The following ARHGAP15 variants were observed in gnomAD, a reference collection of about 807,000 sequenced individuals.
The protein encoded by ARHGAP15 is rho GTPase-activating protein 15.
A neutral mutation model predicts 63.7 loss-of-function variants in ARHGAP15; 51 were observed. The ratio of observed to expected loss-of-function variants is 0.80; its 90% CI spans 0.64 to 1.01. The LOEUF is 1.01. Ranked by LOEUF, ARHGAP15 falls within the 50% of genes least tolerant of loss-of-function variation. The pLI, the probability that ARHGAP15 is intolerant of heterozygous loss-of-function variation, is 0.00. For missense variants in ARHGAP15, 560 were observed against 564.6 expected, an observed-to-expected ratio of 0.99 and a Z score of 0.08; for synonymous variants, 191 against 193.8, an observed-to-expected ratio of 0.99 and a Z score of 0.12.
chr2:143,641,299 T>C (rs1403619193), intron 12 of ARHGAP15: 4 of 152,078 alleles, frequency 2.6e-5, no homozygotes, highest in South Asian at 2.1e-4. Context: ...AAAAACAAAC[T>C]GTGTATTCAT....
At chr2:143,756,711 A>G (rs1686589821) in intron 13 of ARHGAP15, among the ~76,000 whole-genome samples, 2 of 152,182 alleles carry the variant, frequency 1.3e-5, no homozygotes, top group Non-Finnish European at 2.9e-5. Flanking sequence ...TGAGATATGA[A>G]TGCTTTCAGA....
At chr2:143,760,210 T>A (rs1686713191) in intron 13 of ARHGAP15, among the ~76,000 whole-genome samples, 1 of 152,180 alleles carries the variant, frequency 6.6e-6, no homozygotes, top group Non-Finnish European at 1.5e-5. Flanking sequence ...TCTTCTAAAC[T>A]TTTCAAATTT....
At chr2:143,559,628 G>C (rs1411451165) in intron 11 of ARHGAP15, among the ~76,000 whole-genome samples, 1 of 152,194 alleles carries the variant, frequency 6.6e-6, no homozygotes, top group Non-Finnish European at 1.5e-5. Context: ...TTTCTGGACT[G>C]GCCCCACAAC....
chr2:143,463,243 A>AAT (rs36057868), intron 8 of ARHGAP15, among the ~76,000 whole-genome samples: 39,874 of 151,180 alleles, frequency 0.26, 6,027 homozygotes, highest in East Asian at 0.7. Context: ...ATATATCCAT[A>AAT]ATATATATAT....
intron 6 of ARHGAP15, among the ~76,000 whole-genome samples, chr2:143,263,885 G>A (rs1680859145): frequency 7.0e-6 from 1 of 143,144 alleles, no homozygotes; most frequent in African/African-American, 2.7e-5. Flanking sequence ...ATGACTGGGT[G>A]GGTCTACGGT....
At position 143,435,581 on chromosome 2, in the gene ARHGAP15, T is replaced by G; in HGVS notation, c.475-20T>G. ...GTTTCTTTACCTGTCTATTTCTTTT[T>G]CTTTTTTTTTTTTTTGCAGATCACA... On this transcript the variant is annotated intron_variant, in intron 6 of 13. Coordinates refer to ENST00000295095, the MANE Select transcript of ARHGAP15 (RefSeq NM_018460.4). 7.1e-7 allele frequency: 1 copy of G among 1,401,900 alleles called. No individual in the cohort carries two copies. The highest frequency in any genetic ancestry group is 2.6e-5 in the East Asian group (1 of 39,116). 86.8% of individuals were successfully genotyped at this position (1,401,900 alleles called of 1,614,324 possible).
chr2:143,432,227 A>T (rs117731265), intron 6 of ARHGAP15, among the ~76,000 whole-genome samples: 2 of 152,204 alleles, frequency 1.3e-5, no homozygotes, highest in East Asian at 3.9e-4. Flanking sequence ...TCTAGTAAAC[A>T]AAAGTATGGA....
chr2:143,383,408 C>T (rs1354897691), intron 6 of ARHGAP15, among the ~76,000 whole-genome samples: 1 of 152,044 alleles, frequency 6.6e-6, no homozygotes, highest in African/African-American at 2.4e-5. Flanking sequence ...CATGAATATT[C>T]TTGATTACTA....
intron 12 of ARHGAP15, among the ~76,000 whole-genome samples, chr2:143,673,752 G>GTATATATATATA (rs1158257230): frequency 7.6e-4 from 25 of 32,934 alleles, no homozygotes; most frequent in South Asian, 3.9e-3. Context: ...GTGTGTGTGT[G>GTATATATATATA]TGTGTGTATA....
At chr2:143,580,754 T>C (rs1020126661) in intron 11 of ARHGAP15, among the ~76,000 whole-genome samples, 1 of 152,196 alleles carries the variant, frequency 6.6e-6, no homozygotes, top group Non-Finnish European at 1.5e-5. Flanking sequence ...TTCTAATTAA[T>C]ATATGTAATT....
At chr2:143,209,532 G>T (rs1188966683) in intron 3 of ARHGAP15, among the ~76,000 whole-genome samples, 1 of 150,664 alleles carries the variant, frequency 6.6e-6, no homozygotes, top group Non-Finnish European at 1.5e-5. Context: ...AATTCTATAA[G>T]TCCAAATTAC....
intron 6 of ARHGAP15, among the ~76,000 whole-genome samples, chr2:143,256,326 C>T (rs1260749312): frequency 6.6e-6 from 1 of 152,072 alleles, no homozygotes; most frequent in African/African-American, 2.4e-5. Context: ...AAAATTTCTG[C>T]TCTACTTCTG....
intron 9 of ARHGAP15, among the ~76,000 whole-genome samples, chr2:143,498,714 A>G (rs188635263): frequency 2.6e-4 from 39 of 152,164 alleles, no homozygotes; most frequent in Admixed American, 1.9e-3. Flanking sequence ...TGAAGTGATG[A>G]CTGCCTTGAT....
intron 12 of ARHGAP15, among the ~76,000 whole-genome samples, chr2:143,637,380 C>T (rs530623019): frequency 2.6e-5 from 4 of 152,146 alleles, no homozygotes; most frequent in East Asian, 3.9e-4. Flanking sequence ...ACCATTTTCT[C>T]TCTCAGATAA....
intron 6 of ARHGAP15, among the ~76,000 whole-genome samples, chr2:143,356,334 A>G (rs990754540): frequency 5.3e-5 from 8 of 152,152 alleles, no homozygotes; most frequent in Non-Finnish European, 8.8e-5. Context: ...TTCTTGAGCA[A>G]TGATCTTTGT....
intron 4 of ARHGAP15, among the ~76,000 whole-genome samples, chr2:143,217,273 A>G (rs1692793487): frequency 6.6e-6 from 1 of 152,232 alleles, no homozygotes; most frequent in Non-Finnish European, 1.5e-5. Flanking sequence ...GGTCAACACC[A>G]GAGAATAAAG....
intron 11 of ARHGAP15, among the ~76,000 whole-genome samples, chr2:143,590,404 C>T (rs1697274371): frequency 6.6e-6 from 1 of 152,144 alleles, no homozygotes; most frequent in African/African-American, 2.4e-5. Context: ...TCTCACTCAC[C>T]ACTATATCCT....
At chr2:143,138,383 G>A (rs1166936991) in intron 1 of ARHGAP15, among the ~76,000 whole-genome samples, 7 of 152,010 alleles carry the variant, frequency 4.6e-5, no homozygotes, top group African/African-American at 7.2e-5. Context: ...TATGCCATGC[G>A]ATAATTTTGA....
At chr2:143,469,841 A>G (rs1691429355) in intron 8 of ARHGAP15, among the ~76,000 whole-genome samples, 1 of 152,224 alleles carries the variant, frequency 6.6e-6, no homozygotes, top group African/African-American at 2.4e-5. Context: ...TTAAAGTTAT[A>G]TATGTGCCCC....
Sources: gnomAD v4.1 joint callset for allele counts (sites outside exome capture counted in the v4.1 genomes callset) on GRCh38, gnomAD v4.1.1 for gene constraint, MANE v1.5 for transcripts, NCBI Gene and HGNC (gene_info 2026-07-23, HGNC 2026-07-21) for gene names.